The following CDH18 variants were observed in gnomAD, a reference collection of about 807,000 sequenced individuals.
The protein encoded by CDH18 is cadherin-18.
A neutral mutation model predicts 67.9 loss-of-function variants in CDH18; 31 were observed. That is an observed-to-expected ratio of 0.46 (90% CI 0.34 to 0.62). The LOEUF (loss-of-function observed/expected upper bound fraction) is 0.62. Ranked by LOEUF, CDH18 falls within the 20% of genes least tolerant of loss-of-function variation. The probability of loss-of-function intolerance (pLI) is 0.01; values close to 1 mark genes in which losing one functional copy is unlikely to be tolerated. For missense variants in CDH18, 890 were observed against 975.5 expected (o/e 0.91, Z 1.17); for synonymous variants, 362 against 347.2 (o/e 1.04, Z -0.48).
At chr5:20,164,711 A>T (rs1736156077) in intron 2 of CDH18, among the ~76,000 whole-genome samples, 1 of 152,236 alleles carries the variant, frequency 6.6e-6, no homozygotes, top group Non-Finnish European at 1.5e-5. Flanking sequence ...GTTTTTAGAG[A>T]TACGGCCAAG....
At chr5:20,458,546 A>C (rs1456511241) in intron 1 of CDH18, among the ~76,000 whole-genome samples, 1 of 152,164 alleles carries the variant, frequency 6.6e-6, no homozygotes, top group Non-Finnish European at 1.5e-5. Context: ...TCAACCCAGG[A>C]GACCGAGTTT....
At chr5:19,820,654 C>A (rs1283309382) in intron 3 of CDH18, among the ~76,000 whole-genome samples, 4 of 152,156 alleles carry the variant, frequency 2.6e-5, no homozygotes, top group Non-Finnish European at 4.4e-5. Flanking sequence ...CCTGTTTGAG[C>A]CTAAAGAAAT....
intron 1 of CDH18, among the ~76,000 whole-genome samples, chr5:20,419,113 C>T (rs1747603614): frequency 6.6e-6 from 1 of 152,018 alleles, no homozygotes; most frequent in African/African-American, 2.4e-5. Flanking sequence ...CTTTCCGGTG[C>T]TATTCTCTTG....
intron 9 of CDH18, among the ~76,000 whole-genome samples, chr5:19,531,407 G>A (rs1748591916): frequency 6.6e-6 from 1 of 152,022 alleles, no homozygotes; most frequent in Non-Finnish European, 1.5e-5. Flanking sequence ...ACAATAAGAT[G>A]TCACTACATA....
At chr5:19,794,214 G>A (rs1776633401) in intron 3 of CDH18, among the ~76,000 whole-genome samples, 1 of 151,978 alleles carries the variant, frequency 6.6e-6, no homozygotes, top group Non-Finnish European at 1.5e-5. Context: ...CCAGAGAGGT[G>A]GTAAAATGTT....
chr5:20,376,880 G>T (rs1303946933), intron 1 of CDH18, among the ~76,000 whole-genome samples: 1 of 152,090 alleles, frequency 6.6e-6, no homozygotes, highest in Admixed American at 6.6e-5. Flanking sequence ...AGCCGGGCGT[G>T]GTGGCAGGTG....
intron 2 of CDH18, among the ~76,000 whole-genome samples, chr5:20,242,611 A>AAATATAT (rs1554106655): frequency 2.5e-5 from 1 of 39,486 alleles, no homozygotes; most frequent in Non-Finnish European, 4.6e-5. Context: ...AAAAAAAAAA[A>AAATATAT]ATATATATAT....
At chr5:20,557,419 G>A (rs1437257483) in intron 1 of CDH18, among the ~76,000 whole-genome samples, 2 of 151,404 alleles carry the variant, frequency 1.3e-5, no homozygotes, top group Non-Finnish European at 2.9e-5. Context: ...AATCACAAAG[G>A]AAGAGATATA....
intron 10 of CDH18, among the ~76,000 whole-genome samples, chr5:19,505,818 T>C (rs2126786027): frequency 6.6e-6 from 1 of 152,294 alleles, no homozygotes; most frequent in South Asian, 2.1e-4. Context: ...GGTATCAGGA[T>C]GATGCTGGCC....
intron 2 of CDH18, among the ~76,000 whole-genome samples, chr5:20,245,370 T>C (rs969170463): frequency 6.6e-6 from 1 of 152,092 alleles, no homozygotes; most frequent in African/African-American, 2.4e-5. Flanking sequence ...ACAATGTATT[T>C]ATTGAGGTAC....
At chr5:19,547,820 T>C (rs1490158837) in intron 8 of CDH18, among the ~76,000 whole-genome samples, 2 of 152,172 alleles carry the variant, frequency 1.3e-5, no homozygotes, top group African/African-American at 4.8e-5. Context: ...AAGAGTCTTA[T>C]TCACGAAGTT....
chr5:20,110,187 A>G (rs1260909310), intron 2 of CDH18, among the ~76,000 whole-genome samples: 1 of 152,234 alleles, frequency 6.6e-6, no homozygotes, highest in African/African-American at 2.4e-5. Context: ...ACATTGAAAT[A>G]TGTGTCTACC....
chr5:19,734,497 C>T (rs1768035734), intron 4 of CDH18, among the ~76,000 whole-genome samples: 1 of 152,092 alleles, frequency 6.6e-6, no homozygotes, highest in Admixed American at 6.5e-5. Flanking sequence ...TTTTTTGAGC[C>T]ATCCTCAGAA....
chr5:20,472,774 A>G (rs914351914), intron 1 of CDH18, among the ~76,000 whole-genome samples: 2 of 152,196 alleles, frequency 1.3e-5, no homozygotes, highest in African/African-American at 4.8e-5. Context: ...ATTACTCTGT[A>G]CCATTTTATT....
chr5:20,149,521 C>A (rs554952633), intron 2 of CDH18, among the ~76,000 whole-genome samples: 4 of 152,204 alleles, frequency 2.6e-5, no homozygotes, highest in African/African-American at 9.6e-5. Flanking sequence ...AGTTGTTAGA[C>A]ACTTCTATTT....
intron 3 of CDH18, among the ~76,000 whole-genome samples, chr5:19,755,518 T>G (rs1376289417): frequency 8.9e-6 from 1 of 112,336 alleles, no homozygotes; most frequent in Non-Finnish European, 2.0e-5. Flanking sequence ...CACATATATA[T>G]ATATGCCCTG....
At chr5:19,961,075 A>T (rs1796844029) in intron 2 of CDH18, among the ~76,000 whole-genome samples, 1 of 149,890 alleles carries the variant, frequency 6.7e-6, no homozygotes, top group Non-Finnish European at 1.5e-5. Flanking sequence ...TTACTAGGTG[A>T]TAGGTATTTT....
chr5:20,018,855 C>T (rs372338546), intron 2 of CDH18, among the ~76,000 whole-genome samples: 7 of 141,286 alleles, frequency 5.0e-5, no homozygotes, highest in Admixed American at 2.7e-4. Context: ...AGTGCAGTGG[C>T]GCGATCTCGA....
At chr5:20,205,935 G>A (rs558238201) in intron 2 of CDH18, among the ~76,000 whole-genome samples, 17 of 151,852 alleles carry the variant, frequency 1.1e-4, no homozygotes, top group South Asian at 2.1e-4. Context: ...ACACATTAAG[G>A]ACTTAGAAAA....
Sources: gnomAD v4.1 joint callset for allele counts (sites outside exome capture counted in the v4.1 genomes callset) on GRCh38, gnomAD v4.1.1 for gene constraint, MANE v1.5 for transcripts, NCBI Gene and HGNC (gene_info 2026-07-23, HGNC 2026-07-21) for gene names.